Variants in SNX29 observed in about 807,000 individuals in gnomAD.
The protein encoded by SNX29 is sorting nexin 29.
In SNX29, 78 loss-of-function variants were observed where a neutral mutation model predicts 102.1. That is an observed-to-expected ratio of 0.76 (90% CI 0.64 to 0.92). SNX29 has a LOEUF of 0.92. SNX29 is among the 40% of genes least tolerant of loss of function. The pLI is 0.00. For synonymous variants in SNX29, 580 were observed against 414.5 expected, an observed-to-expected ratio of 1.40 and a Z score of -4.85; for missense variants, 1,280 against 1,061.7, an observed-to-expected ratio of 1.21 and a Z score of -2.86.
chr16:11,999,105 G>T (rs1443437528), intron 1 of SNX29, among the ~76,000 whole-genome samples, 192 bp from the exon 2 acceptor site: 1 of 152,176 alleles, frequency 6.6e-6, no homozygotes, highest in South Asian at 2.1e-4. Context: ...TTCAGATTTG[G>T]GGAAAATTAG....
At chr16:12,150,470 A>G (rs2055250864) in intron 13 of SNX29, among the ~76,000 whole-genome samples, 2 of 152,246 alleles carry the variant, frequency 1.3e-5, no homozygotes, top group South Asian at 4.1e-4. Context: ...GACCTAACCC[A>G]GGCCTTCACC....
intron 18 of SNX29, among the ~76,000 whole-genome samples, chr16:12,428,267 C>A (rs1415355087): frequency 6.6e-6 from 1 of 152,104 alleles, no homozygotes; most frequent in East Asian, 1.9e-4. Context: ...TAATTATTCT[C>A]CTTAAAAAAT....
intron 20 of SNX29, among the ~76,000 whole-genome samples, chr16:12,547,907 C>G (rs571646695): frequency 6.6e-6 from 1 of 152,258 alleles, no homozygotes; most frequent in African/African-American, 2.4e-5. Flanking sequence ...ATAGGAGCTG[C>G]TCTTAGGGGT....
chr16:12,525,887 C>T (rs769755710), intron 20 of SNX29, among the ~76,000 whole-genome samples: 1 of 152,136 alleles, frequency 6.6e-6, no homozygotes, highest in Non-Finnish European at 1.5e-5. Flanking sequence ...TGGGAAACGT[C>T]AGGCTGTCCT....
At position 12,555,371 on chromosome 16, in the gene SNX29, C is replaced by T. The variant is rs374777141; in HGVS notation, c.2319-13135C>T. ...GTTGGTTAACTTTTCTCCCATGAGG[C>T]GCTCCCTGTCTTTCCCTGCGTGTCT... On this transcript the variant is annotated intron_variant, in intron 20 of 20. Coordinates refer to ENST00000566228, the MANE Select transcript of SNX29 (RefSeq NM_032167.5). Among the ~76,000 whole-genome samples the T allele has an allele frequency of 1.2e-4, 19 of 152,104 alleles. No individual in the cohort carries two copies. The East Asian group carries it at 1.6e-3, about 12-fold the overall frequency.
chr16:12,448,354 G>A (rs1323953038), intron 18 of SNX29, among the ~76,000 whole-genome samples: 2 of 152,176 alleles, frequency 1.3e-5, no homozygotes, highest in Non-Finnish European at 2.9e-5. Context: ...GACACCAGCT[G>A]AGTATTGGAC....
chr16:12,303,264 C>G (rs763973008), intron 15 of SNX29, among the ~76,000 whole-genome samples: 1 of 152,198 alleles, frequency 6.6e-6, no homozygotes, highest in Non-Finnish European at 1.5e-5. Flanking sequence ...TAGTGAAACA[C>G]TTGCCCACGA....
chr16:12,212,463 A>G (rs1317482111), intron 14 of SNX29, among the ~76,000 whole-genome samples: 1 of 151,492 alleles, frequency 6.6e-6, no homozygotes, highest in Non-Finnish European at 1.5e-5. Flanking sequence ...ATAGAACTGG[A>G]GCGGGAAAGG....
chr16:12,306,607 C>T (rs1182533983), intron 15 of SNX29, among the ~76,000 whole-genome samples: 1 of 152,164 alleles, frequency 6.6e-6, no homozygotes, highest in African/African-American at 2.4e-5. Context: ...AACTACATTC[C>T]CTCCAGCGGA....
intron 20 of SNX29, among the ~76,000 whole-genome samples, chr16:12,537,431 T>TAGC (rs758300214): frequency 2.0e-5 from 3 of 152,218 alleles, no homozygotes; most frequent in Admixed American, 6.5e-5. Flanking sequence ...CTCAACTACA[T>TAGC]AGCAGCCTTG....
intron 3 of SNX29, among the ~76,000 whole-genome samples, chr16:12,008,633 G>A (rs765974837): frequency 4.1e-4 from 62 of 151,820 alleles, no homozygotes; most frequent in Non-Finnish European, 6.8e-4. Flanking sequence ...TATGTTTTTC[G>A]TATGCCTCTC....
rs139978848 is a variant in SNX29, at chr16:12,325,631, T to C, written c.1783-30532T>C. ...GGAAGCACTTTGCTGGTTCTTCTTA[T>C]TTATTATCTTGTGTGAGGTTGACAT... is the stretch of plus-strand genomic sequence containing the variant. On this transcript the variant is annotated intron_variant, in intron 15 of 20. Coordinates refer to ENST00000566228, the MANE Select transcript of SNX29 (RefSeq NM_032167.5). Among the ~76,000 whole-genome samples the C allele has an allele frequency of 2.5e-3, 383 of 152,290 alleles. 1 individual carries two copies. The highest frequency in any genetic ancestry group is 9.0e-3 in the African/African-American group (374 of 41,566).
chr16:12,058,111 T>C (rs2050595056), intron 8 of SNX29, among the ~76,000 whole-genome samples: 1 of 152,062 alleles, frequency 6.6e-6, no homozygotes, highest in African/African-American at 2.4e-5. Flanking sequence ...TGAGCCATCA[T>C]GCCTGGCCTA....
At chr16:12,139,980 C>CAAAA (rs59169166) in intron 13 of SNX29, among the ~76,000 whole-genome samples, 60 of 88,400 alleles carry the variant, frequency 6.8e-4, no homozygotes, top group African/African-American at 1.4e-3. Context: ...TACCCTGTCT[C>CAAAA]AAAAAAAAAA....
At chr16:12,114,970 G>T (rs1014681046) in intron 11 of SNX29, among the ~76,000 whole-genome samples, 3 of 152,176 alleles carry the variant, frequency 2.0e-5, no homozygotes, top group African/African-American at 7.2e-5. Flanking sequence ...CTGGCACTCG[G>T]CTGGTGCCCT....
intron 18 of SNX29, among the ~76,000 whole-genome samples, chr16:12,466,580 G>A (rs936138942): frequency 6.6e-6 from 1 of 152,156 alleles, no homozygotes; most frequent in Non-Finnish European, 1.5e-5. Flanking sequence ...TTTGAAAGGG[G>A]CCTTCATGCC....
chr16:12,168,607 G>A (rs527423605), intron 13 of SNX29, among the ~76,000 whole-genome samples: 1 of 152,300 alleles, frequency 6.6e-6, no homozygotes, highest in Non-Finnish European at 1.5e-5. Flanking sequence ...TAGCACAGGG[G>A]CATTGGCGTG....
At chr16:12,546,412 C>G (rs1216295354) in intron 20 of SNX29, 3 of 152,144 alleles carry the variant, frequency 2.0e-5, no homozygotes, top group African/African-American at 2.4e-5. Flanking sequence ...TTCTTAAGCT[C>G]TTTGCATGGC....
chr16:12,518,247 G>T lies in SNX29; in HGVS notation c.2179-6455G>T, dbSNP rs1009956. On this transcript the variant is annotated intron_variant, in intron 19 of 20. Coordinates refer to ENST00000566228, the MANE Select transcript of SNX29 (RefSeq NM_032167.5). ...TCAGTGTTGATCAGATCAGCTACCT[G>T]ATGCCTCCCACCTCCCGTTGGCTTT... is the stretch of plus-strand genomic sequence containing the variant. Among the ~76,000 whole-genome samples the T allele has an allele frequency of 3.3e-5, 5 of 152,054 alleles. No homozygotes were observed. In the South Asian group the frequency reaches 1.0e-3, roughly 32 times the overall value.
Sources: allele counts gnomAD v4.1 joint callset (sites outside exome capture counted in the v4.1 genomes callset), GRCh38; gene constraint gnomAD v4.1.1; transcripts MANE v1.5; gene names NCBI Gene and HGNC (gene_info 2026-07-23, HGNC 2026-07-21).